Variants in TMEM273 observed in about 807,000 individuals in gnomAD.
TMEM273 encodes the protein transmembrane protein 273, also known as chromosome 10 open reading frame 128.
A neutral mutation model predicts 17.9 loss-of-function variants in TMEM273; 19 were observed. The observed-to-expected ratio is 1.06, with a 90% CI of 0.74 to 1.55. The LOEUF is 1.55. Among genes scored for constraint, TMEM273 ranks in the 40% most tolerant of loss-of-function variants. The pLI is 0.00. For synonymous variants in TMEM273, 66 were observed against 62.0 expected (o/e 1.07, Z -0.31); for missense variants, 194 against 155.6 (o/e 1.25, Z -1.31).
chr10:49,176,064 T>C (rs1232556935), intron 1 of TMEM273, among the ~76,000 whole-genome samples: 1 of 152,232 alleles, frequency 6.6e-6, no homozygotes, highest in Non-Finnish European at 1.5e-5. Flanking sequence ...ATTGTCAGCC[T>C]GTGGCCTTGG....
chr10:49,185,762 T>C (rs956868701), intron 1 of TMEM273, among the ~76,000 whole-genome samples: 1 of 151,942 alleles, frequency 6.6e-6, no homozygotes, highest in Non-Finnish European at 1.5e-5. Flanking sequence ...GCGGAACACC[T>C]GAGGTCAGGA....
At chr10:49,185,649 G>A (rs1400150831) in intron 1 of TMEM273, among the ~76,000 whole-genome samples, 1 of 152,164 alleles carries the variant, frequency 6.6e-6, no homozygotes, top group Non-Finnish European at 1.5e-5. Context: ...TGCCAATACA[G>A]AGAAATTAAG....
intron 2 of TMEM273, 149 bp downstream of exon 2, chr10:49,167,760 G>T: frequency 3.1e-6 from 3 of 952,742 alleles, no homozygotes; most frequent in Non-Finnish European, 4.8e-6. Context: ...GCTGTCAGCT[G>T]CTCTGGGGGA....
At chr10:49,179,373 G>A (rs1437972140) in intron 1 of TMEM273, among the ~76,000 whole-genome samples, 20 of 152,186 alleles carry the variant, frequency 1.3e-4, no homozygotes, top group Admixed American at 1.2e-3. Flanking sequence ...CAGGCATTCT[G>A]CCTTCATCCC....
In TMEM273 at chr10:49,162,853, T is replaced by A. The variant is rs563319696; in HGVS notation, c.349-1231A>T. ...GGCAACAAAGGTTCTAGGAAGTCAA[T>A]CCTTCTCACCCTTCCAGACTCCATC... On this transcript the variant is annotated intron_variant, in intron 5 of 6. Coordinates refer to ENST00000374153, the MANE Select transcript of TMEM273 (RefSeq NM_001288740.3). 1.4e-4 allele frequency among the ~76,000 whole-genome samples: 22 copies of A among 152,310 alleles called. No homozygotes were observed. In the South Asian group the frequency reaches 3.5e-3, roughly 24 times the overall value.
At chr10:49,155,978 T>C (rs1845483741) in intron 6 of TMEM273, 69 bp from the exon 7 acceptor site, 2 of 1,610,792 alleles carry the variant, frequency 1.2e-6, no homozygotes, top group Non-Finnish European at 1.7e-6. Context: ...TTGCATGTGT[T>C]TATGCAATTC....
chr10:49,173,545 C>T (rs970707545), intron 1 of TMEM273, among the ~76,000 whole-genome samples: 8 of 152,192 alleles, frequency 5.3e-5, no homozygotes, highest in Admixed American at 5.2e-4. Flanking sequence ...TCTGAAAGTC[C>T]CCCTTGCTCT....
chr10:49,187,782 A>G (rs1241222791), intron 1 of TMEM273, among the ~76,000 whole-genome samples: 2 of 152,240 alleles, frequency 1.3e-5, no homozygotes, highest in African/African-American at 4.8e-5. Flanking sequence ...AAAAACAAAG[A>G]TACCTCTGAG....
At chr10:49,188,216 C>A (rs1847840563) in intron 1 of TMEM273, 78 bp downstream of exon 1, 2 of 1,506,506 alleles carry the variant, frequency 1.3e-6, no homozygotes, top group Non-Finnish European at 9.2e-7. Context: ...GGGATCAAGC[C>A]CCAGTGGGCT....
chr10:49,166,534 C>A, intron 3 of TMEM273: 1 of 324,584 alleles, frequency 3.1e-6, no homozygotes, highest in East Asian at 7.4e-5. Context: ...TAGTTCCTCT[C>A]CCACCTTTCT....
chr10:49,163,283 A>G (rs1023978189), intron 5 of TMEM273, among the ~76,000 whole-genome samples: 1 of 150,122 alleles, frequency 6.7e-6, no homozygotes, highest in African/African-American at 2.5e-5. Flanking sequence ...GTGTGTGAAT[A>G]TGTGCATGTG....
chr10:49,161,557 C>T lies in TMEM273; in HGVS notation c.372+42G>A, dbSNP rs559894440. The T allele has an allele frequency of 7.4e-6, 12 of 1,613,944 alleles. No individual in the cohort carries two copies. In the African/African-American group the frequency reaches 1.3e-4, roughly 18 times the overall value. On this transcript the variant is annotated intron_variant, in intron 6 of 6. Coordinates refer to ENST00000374153, the MANE Select transcript of TMEM273 (RefSeq NM_001288740.3). ...ATGCAGCCCCATGGGGCAGAGACTG[C>T]CTGTCCTCCTTTTAAGACAAGTGAT...
At chr10:49,164,311 G>A (rs559874970) in intron 5 of TMEM273, among the ~76,000 whole-genome samples, 84 of 152,232 alleles carry the variant, frequency 5.5e-4, no homozygotes, top group African/African-American at 2.0e-3. Flanking sequence ...CCAGGTCCCT[G>A]GGCCAGCTCC....
chr10:49,156,057 A>G (rs1845486283), intron 6 of TMEM273, 148 bp from the exon 7 acceptor site: 1 of 1,554,448 alleles, frequency 6.4e-7, no homozygotes, highest in Non-Finnish European at 8.7e-7. Flanking sequence ...TGTGCAACAT[A>G]GAAAGGAACT....
chr10:49,155,529 A>G lies in TMEM273; in HGVS notation c.*363T>C. 1 of 328,036 alleles carries G rather than the reference A, an allele frequency of 3.0e-6. No individual in the cohort carries two copies. Among genetic ancestry groups the G allele is most frequent in the Non-Finnish European group, 5.6e-6 (1 of 177,480 alleles). 20.3% of individuals were successfully genotyped at this position (328,036 alleles called of 1,614,324 possible). On this transcript the variant is annotated 3_prime_UTR_variant, in exon 7 of 7. Transcript: ENST00000374153. ...TGTAGGAAGCTGTGTGTTGGGTCGG[A>G]TTCCCCTTTTCATGAGCCATTTTCT...
rs949948276 is a variant in TMEM273, at chr10:49,155,666, A to G, written c.*226T>C. The G allele has an allele frequency of 7.9e-6, 5 of 629,450 alleles. No homozygotes were observed. Among genetic ancestry groups the G allele is most frequent in the South Asian group, 4.0e-5 (2 of 50,188 alleles). 39.0% of individuals were successfully genotyped at this position (629,450 alleles called of 1,614,324 possible). ...CTTCCACTGCAGGCTAAATTGCTCA[A>G]TCCTTCCTCTGTGCAGTCCGTTTCT... On this transcript the variant is annotated 3_prime_UTR_variant, in exon 7 of 7. Transcript: ENST00000374153.
At chr10:49,185,897 G>C (rs1038195614) in intron 1 of TMEM273, among the ~76,000 whole-genome samples, 8 of 151,806 alleles carry the variant, frequency 5.3e-5, no homozygotes, top group Non-Finnish European at 1.2e-4. Flanking sequence ...TGAATTGCTT[G>C]AACCCAGGAG....
At chr10:49,176,691 G>C (rs566050068) in intron 1 of TMEM273, among the ~76,000 whole-genome samples, 2 of 152,288 alleles carry the variant, frequency 1.3e-5, no homozygotes, top group East Asian at 3.9e-4. Context: ...GGGGCTGTGG[G>C]ATGACAGCTG....
At chr10:49,178,423 A>G (rs1182735019) in intron 1 of TMEM273, 2 of 399,620 alleles carry the variant, frequency 5.0e-6, no homozygotes, top group Non-Finnish European at 1.0e-5. Context: ...CGGTGGTGAC[A>G]GTACAGAGGG....
Sources: gnomAD v4.1 joint callset for allele counts (sites outside exome capture counted in the v4.1 genomes callset) on GRCh38, gnomAD v4.1.1 for gene constraint, MANE v1.5 for transcripts, NCBI Gene and HGNC (gene_info 2026-07-23, HGNC 2026-07-21) for gene names.